Variants in MYO1B observed in about 807,000 individuals in gnomAD.
MYO1B encodes myosin IB.
MYO1B carries 72 observed loss-of-function variants against 159.7 expected under a neutral mutation model. That is an observed-to-expected ratio of 0.45 (90% confidence interval 0.37 to 0.55). The LOEUF is 0.55. MYO1B is among the 20% of genes least tolerant of loss of function. The pLI is 0.00. For synonymous variants in MYO1B, 468 were observed against 473.8 expected, an observed-to-expected ratio of 0.99 and a Z score of 0.16; for missense variants, 1,062 against 1,364.8, an observed-to-expected ratio of 0.78 and a Z score of 3.50.
chr2:191,329,369 G>A (rs1487987638), intron 3 of MYO1B, among the ~76,000 whole-genome samples: 1 of 151,954 alleles, frequency 6.6e-6, no homozygotes, highest in Admixed American at 6.6e-5. Context: ...TTAAGTTATT[G>A]TAGTAACATC....
chr2:191,315,956 C>G (rs1268582139), intron 3 of MYO1B, among the ~76,000 whole-genome samples: 1 of 152,184 alleles, frequency 6.6e-6, no homozygotes, highest in African/African-American at 2.4e-5. Context: ...TCCGTAGGTG[C>G]CTAGTATACA....
intron 24 of MYO1B, among the ~76,000 whole-genome samples, chr2:191,403,137 C>T (rs774610908): frequency 7.9e-5 from 12 of 152,176 alleles, no homozygotes; most frequent in Non-Finnish European, 1.8e-4. Context: ...CCAATAATGG[C>T]TGCCTGCAGT....
Position 191,387,392 on chromosome 2 carries a change from A to G in MYO1B, c.1723A>G (p.Lys575Glu). 6.2e-7 allele frequency: 1 copy of G among 1,614,194 alleles called. No individual in the cohort carries two copies. The highest frequency in any genetic ancestry group is 1.3e-5 in the African/African-American group (1 of 75,042). The change falls in exon 17 of 31, where the codon AAG becomes GAG. Residue 575 changes from lysine (K) to glutamate (E), a missense_variant. Transcript: ENST00000392318. ...KRPPTAGSQFKASVATLMKNL... is the reference protein window; with the variant it reads ...KRPPTAGSQFEASVATLMKNL... ...GCCTCCTACAGCAGGCTCACAGTTC[A>G]AGGCATCCGTGGCCACTCTGATGAA...
intron 1 of MYO1B, among the ~76,000 whole-genome samples, chr2:191,250,341 C>T (rs1029075183): frequency 3.9e-5 from 6 of 152,188 alleles, no homozygotes; most frequent in African/African-American, 1.4e-4. Context: ...AGGTTCAGAA[C>T]CCTGACTGAG....
In MYO1B at chr2:191,387,643, A is replaced by C. The variant is rs574331731; in HGVS notation, c.1781+193A>C. 405 of 616,602 alleles carry C rather than the reference A, an allele frequency of 6.6e-4. 2 individuals carry two copies. Among genetic ancestry groups the C allele is most frequent in the Middle Eastern group, 2.4e-3 (9 of 3,788 alleles). The allele number at this position is 616,602 out of a possible 1,614,324, so 38.2% of individuals were successfully genotyped here. A position where few individuals can be genotyped will look rare whatever the true frequency, so the allele number is the denominator to read the frequency against. On this transcript the variant is annotated intron_variant, in intron 17 of 30. Coordinates refer to ENST00000392318, the MANE Select transcript of MYO1B (RefSeq NM_001130158.3). ...CCTTTCCCCTAAAATAAGAAAGTAA[A>C]AAAGTAAAGTGTGGTGGAGAAGATA...
intron 1 of MYO1B, among the ~76,000 whole-genome samples, chr2:191,258,772 A>C (rs1040790299): frequency 3.3e-5 from 5 of 152,346 alleles, no homozygotes; most frequent in Admixed American, 2.0e-4. Flanking sequence ...AGGCATGCCA[A>C]GGGTATGGCA....
rs1424661325 is a variant in MYO1B, at chr2:191,425,209, G to A, written c.*1249G>A. On this transcript the variant is annotated 3_prime_UTR_variant, in exon 31 of 31. Transcript: ENST00000392318. ...TTTGTATCTCAAGCTATTTTCATAT[G>A]TTGTGTGTCAATGTATCATCTCTCA... The A allele has an allele frequency of 6.6e-6, 1 of 151,996 alleles. No homozygotes were observed. 9.4% of individuals were successfully genotyped at this position (151,996 alleles called of 1,614,324 possible).
intron 1 of MYO1B, among the ~76,000 whole-genome samples, chr2:191,258,749 T>C (rs1686613006): frequency 6.6e-6 from 1 of 152,178 alleles, no homozygotes; most frequent in Non-Finnish European, 1.5e-5. Context: ...GATCAAGTCG[T>C]TGGGTTTAGC....
At chr2:191,248,855 A>G (rs1685947819) in intron 1 of MYO1B, among the ~76,000 whole-genome samples, 1 of 152,204 alleles carries the variant, frequency 6.6e-6, no homozygotes, top group African/African-American at 2.4e-5. Context: ...CCCCTGGCAG[A>G]TGTCAAATTA....
chr2:191,410,208 G>C (rs1039261144), intron 26 of MYO1B, among the ~76,000 whole-genome samples: 3 of 152,104 alleles, frequency 2.0e-5, no homozygotes, highest in African/African-American at 7.2e-5. Context: ...CACCACCTCT[G>C]CCCTCCCCTG....
rs1223342665 is a variant in MYO1B, at chr2:191,402,719, G to T, written c.2556+1G>T. The T allele has an allele frequency of 5.6e-6, 9 of 1,610,418 alleles. No homozygotes were observed. Among genetic ancestry groups the T allele is most frequent in the Admixed American group, 5.0e-5 (3 of 59,492 alleles). Reference sequence around the variant, plus strand: ...TTGGGCTTACTGGCTTGGACTGAAGGTACTTCCTCAACCACTTGTTTCTGT... The same window carrying T: ...TTGGGCTTACTGGCTTGGACTGAAGTTACTTCCTCAACCACTTGTTTCTGT... On this transcript the variant is annotated splice_donor_variant, in intron 24 of 30. Transcript: ENST00000392318. LOFTEE classifies it high-confidence loss of function.
intron 1 of MYO1B, among the ~76,000 whole-genome samples, chr2:191,258,044 A>G (rs758127956): frequency 6.6e-6 from 1 of 152,244 alleles, no homozygotes; most frequent in African/African-American, 2.4e-5. Context: ...GGAATTTTTT[A>G]AATTAGAACC....
At chr2:191,280,583 G>A (rs533956096) in intron 2 of MYO1B, among the ~76,000 whole-genome samples, 2 of 152,280 alleles carry the variant, frequency 1.3e-5, no homozygotes, top group South Asian at 4.2e-4. Context: ...TAGGCTGCCG[G>A]AGTCACACTC....
chr2:191,275,012 G>C (rs1042691394), intron 1 of MYO1B, among the ~76,000 whole-genome samples: 1 of 152,046 alleles, frequency 6.6e-6, no homozygotes, highest in Non-Finnish European at 1.5e-5. Flanking sequence ...GGTTCAAGCA[G>C]TTCGCTGCCT....
intron 1 of MYO1B, among the ~76,000 whole-genome samples, chr2:191,248,274 G>A (rs1199293573): frequency 1.3e-5 from 2 of 152,132 alleles, no homozygotes. Flanking sequence ...TTTTCCAGTG[G>A]AAACTGAGGC....
intron 13 of MYO1B, among the ~76,000 whole-genome samples, chr2:191,373,065 T>C (rs970380595): frequency 2.2e-4 from 33 of 151,956 alleles, no homozygotes; most frequent in African/African-American, 7.5e-4. Context: ...TTGGCCAGGA[T>C]GGTCTCGATC....
intron 3 of MYO1B, among the ~76,000 whole-genome samples, chr2:191,325,488 C>G (rs1690996126): frequency 6.6e-6 from 1 of 152,210 alleles, no homozygotes; most frequent in East Asian, 1.9e-4. Context: ...GTCCAACTAC[C>G]AGTTCTCAGA....
At chr2:191,418,506 T>TTTTTTAGG (rs869185365) in intron 30 of MYO1B, among the ~76,000 whole-genome samples, 1 of 143,698 alleles carries the variant, frequency 7.0e-6, no homozygotes. Context: ...TTTTTTTTTT[T>TTTTTTAGG]GAGGCAGAGT....
intron 9 of MYO1B, 23 bp from the exon 10 acceptor site, chr2:191,363,705 T>C (rs1459282591): frequency 8.3e-6 from 13 of 1,570,538 alleles, no homozygotes; most frequent in Non-Finnish European, 1.1e-5. Flanking sequence ...AAAAAATAGT[T>C]GCTTTTTTTT....
Sources: gnomAD v4.1 joint callset for allele counts (sites outside exome capture counted in the v4.1 genomes callset) on GRCh38, gnomAD v4.1.1 for gene constraint, MANE v1.5 for transcripts, NCBI Gene and HGNC (gene_info 2026-07-23, HGNC 2026-07-21) for gene names.